SMCHD1: variants seen among roughly 807,000 people sequenced by gnomAD.
The protein encoded by SMCHD1 is structural maintenance of chromosomes flexible hinge domain-containing protein 1.
A neutral mutation model predicts 254.7 loss-of-function variants in SMCHD1; 78 were observed. The observed-to-expected ratio is 0.31, with a 90% CI of 0.26 to 0.37. The LOEUF is 0.37. Ranked by LOEUF, SMCHD1 falls within the 10% of genes least tolerant of loss-of-function variation. The probability of loss-of-function intolerance (pLI) is 1.00; values close to 1 mark genes in which losing one functional copy is unlikely to be tolerated. For synonymous variants in SMCHD1, 766 were observed against 794.9 expected (o/e 0.96, Z 0.61); for missense variants, 1,840 against 2,408.1 (o/e 0.76, Z 4.94).
chr18:2,760,589 CTT>C (rs1464137656), intron 34 of SMCHD1, 61 bp from the exon 35 acceptor site: 4 of 911,376 alleles, frequency 4.4e-6, no homozygotes, highest in Admixed American at 3.8e-5. Flanking sequence ...AATGTTGACT[CTT>C]TGAATTCCTT....
chr18:2,666,313 A>G, intron 2 of SMCHD1, 81 bp downstream of exon 2: 2 of 635,504 alleles, frequency 3.1e-6, no homozygotes, highest in East Asian at 3.0e-5. Flanking sequence ...TTTATTAGAT[A>G]TGCATCTAAA....
In SMCHD1 at chr18:2,743,424, A is replaced by T. The variant is rs570730228; in HGVS notation, c.3634-337A>T. Among the ~76,000 whole-genome samples the T allele has an allele frequency of 3.3e-5, 5 of 152,318 alleles. No homozygotes were observed. In the East Asian group the frequency reaches 7.7e-4, roughly 23 times the overall value. On this transcript the variant is annotated intron_variant, in intron 28 of 47. Coordinates refer to ENST00000320876, the MANE Select transcript of SMCHD1 (RefSeq NM_015295.3). ...AGACAAACAGTGTGTATATCTGGTA[A>T]ATAATGTTGCAAACAGAGGGAAAGA...
chr18:2,708,685 G>C (rs2074578698), intron 17 of SMCHD1, among the ~76,000 whole-genome samples: 1 of 149,484 alleles, frequency 6.7e-6, no homozygotes, highest in African/African-American at 2.5e-5. Flanking sequence ...GCACAATTTA[G>C]GCTCACTGCA....
chr18:2,729,181 G>A, intron 23 of SMCHD1, 94 bp from the exon 24 acceptor site: 3 of 1,016,710 alleles, frequency 3.0e-6, no homozygotes, highest in South Asian at 3.0e-5. Context: ...GCCAGAAATA[G>A]TAGCTCTACT....
chr18:2,697,856 T>C lies in SMCHD1; in HGVS notation c.1157T>C (p.Val386Ala), dbSNP rs1186137432. The C allele has an allele frequency of 1.9e-6, 3 of 1,611,664 alleles. No homozygotes were observed. The African/African-American group carries it at 4.0e-5, about 22-fold the overall frequency. ...IEISMFEKGK[V>A]PKIVNLREIQ... The stretch of plus-strand genomic sequence containing the variant: ...ATTTCTATGTTTGAAAAAGGGAAGG[T>C]ACCTAAGATTGTCAACCTAAGGGAA... The change falls in exon 10 of 48, where the codon GTA becomes GCA. Residue 386 changes from valine (V) to alanine (A), a missense_variant. Val to Ala is a moderately conservative substitution (Grantham distance 64). This residue lies in a region of SMCHD1 where 498 missense variants were observed against 743.5 expected (regional missense o/e 0.67). Coordinates refer to ENST00000320876, the MANE Select transcript of SMCHD1 (RefSeq NM_015295.3).
At chr18:2,761,006 A>C (rs980113231) in intron 35 of SMCHD1, among the ~76,000 whole-genome samples, 5 of 152,148 alleles carry the variant, frequency 3.3e-5, no homozygotes, top group Non-Finnish European at 7.4e-5. Flanking sequence ...AAGACTCAGC[A>C]TTTTAGTGTG....
intron 30 of SMCHD1, among the ~76,000 whole-genome samples, chr18:2,748,390 A>AT (rs67175512): frequency 0.64 from 59,258 of 92,632 alleles, 22,506 homozygotes; most frequent in Non-Finnish European, 0.73. Flanking sequence ...GTGTATATAA[A>AT]TTTTTTTTTT....
chr18:2,697,578 A>G (rs984056224), intron 9 of SMCHD1, among the ~76,000 whole-genome samples: 2 of 152,120 alleles, frequency 1.3e-5, no homozygotes, highest in Non-Finnish European at 2.9e-5. Flanking sequence ...AATTAAATGT[A>G]CTCATGACTT....
intron 45 of SMCHD1, among the ~76,000 whole-genome samples, chr18:2,785,242 A>G (rs1474927034): frequency 6.6e-6 from 1 of 152,180 alleles, no homozygotes; most frequent in Admixed American, 6.5e-5. Flanking sequence ...TAATTTATAT[A>G]ATTAATTCTG....
At chr18:2,658,954 A>G (rs1455861913) in intron 1 of SMCHD1, among the ~76,000 whole-genome samples, 1 of 149,958 alleles carries the variant, frequency 6.7e-6, no homozygotes, top group Non-Finnish European at 1.5e-5. Context: ...ATACACACAC[A>G]TATATATATT....
At chr18:2,796,645 A>G (rs530044599) in intron 47 of SMCHD1, 124 bp downstream of exon 47, 28 of 685,670 alleles carry the variant, frequency 4.1e-5, no homozygotes, top group Admixed American at 8.7e-5. Flanking sequence ...CAGTGGCACA[A>G]TCTTGGCTCA....
intron 17 of SMCHD1, among the ~76,000 whole-genome samples, chr18:2,710,467 T>C (rs559828976): frequency 6.6e-6 from 1 of 152,334 alleles, no homozygotes. Flanking sequence ...AATATGCAGA[T>C]CACTTTGAGT....
In SMCHD1 at chr18:2,802,956, T is replaced by C. The variant is rs2076390234; in HGVS notation, c.*404T>C. Reference sequence around the variant, plus strand: ...TTCTTGAAAACCTTTTTATTACTTTTGCGTGAATTTATTTAACAAAGATGT... The same window carrying C: ...TTCTTGAAAACCTTTTTATTACTTTCGCGTGAATTTATTTAACAAAGATGT... On this transcript the variant is annotated 3_prime_UTR_variant, in exon 48 of 48. Transcript: ENST00000320876. 1 of 156,762 alleles carries C rather than the reference T, an allele frequency of 6.4e-6. No individual in the cohort carries two copies. 9.7% of individuals were successfully genotyped at this position (156,762 alleles called of 1,614,324 possible).
chr18:2,707,423 A>G (rs985050868), intron 15 of SMCHD1, 140 bp from the exon 16 acceptor site: 1 of 453,202 alleles, frequency 2.2e-6, no homozygotes, highest in East Asian at 3.7e-5. Flanking sequence ...TTTTTAGATG[A>G]TTAATCGTAA....
intron 8 of SMCHD1, among the ~76,000 whole-genome samples, chr18:2,696,008 G>A (rs1033307997): frequency 6.6e-6 from 1 of 152,104 alleles, no homozygotes; most frequent in African/African-American, 2.4e-5. Flanking sequence ...ATATACTCTT[G>A]CTCTAATGAA....
intron 30 of SMCHD1, among the ~76,000 whole-genome samples, chr18:2,748,380 G>GTGTGTGTGTATATATA (rs561439889): frequency 1.2e-5 from 1 of 80,278 alleles, no homozygotes; most frequent in African/African-American, 6.9e-5. Context: ...GTGTGTGTGT[G>GTGTGTGTGTATATATA]TGTATATAAA....
intron 1 of SMCHD1, among the ~76,000 whole-genome samples, chr18:2,662,027 C>T (rs1217170068): frequency 7.0e-6 from 1 of 143,766 alleles, no homozygotes; most frequent in Non-Finnish European, 1.5e-5. Context: ...GGCGCGGTGG[C>T]AGGCGCCTGT....
At chr18:2,680,873 G>A (rs1408301272) in intron 5 of SMCHD1, among the ~76,000 whole-genome samples, 1 of 152,124 alleles carries the variant, frequency 6.6e-6, no homozygotes, top group African/African-American at 2.4e-5. Context: ...TCAGTGAGTG[G>A]ATTCTTGGAA....
rs752472157 is a variant in SMCHD1, at chr18:2,750,327, CCT to C, written c.4008-19_4008-18del. The stretch of plus-strand genomic sequence containing the variant: ...GTTATTAACTAATGTAATTTGAACC[CCT>C]CTCCTCTTTTGTTTTGTTAGGGGAG... On this transcript the variant is annotated intron_variant, in intron 31 of 47. Transcript: ENST00000320876. 7 of 1,588,084 alleles carry C rather than the reference CCT, an allele frequency of 4.4e-6. No individual in the cohort carries two copies. The Middle Eastern group carries it at 5.1e-4, about 115-fold the overall frequency.
Sources: allele counts gnomAD v4.1 joint callset (sites outside exome capture counted in the v4.1 genomes callset), GRCh38; gene constraint gnomAD v4.1.1; regional missense constraint gnomAD v4.1.1; transcripts MANE v1.5; gene names NCBI Gene and HGNC (gene_info 2026-07-23, HGNC 2026-07-21).